The following ATP10B variants were observed in gnomAD, a reference collection of about 807,000 sequenced individuals.
ATP10B encodes the protein ATPase phospholipid transporting 10B (putative).
ATP10B carries 122 observed loss-of-function variants against 141.2 expected under a neutral mutation model. The observed-to-expected ratio is 0.86, with a 90% CI of 0.75 to 1.00. ATP10B has a LOEUF of 1.00. ATP10B is among the 50% of genes least tolerant of loss of function. The pLI is 0.00. For synonymous variants in ATP10B, 685 were observed against 692.0 expected (o/e 0.99, Z 0.16); for missense variants, 1,876 against 1,825.3 (o/e 1.03, Z -0.51).
chr5:160,570,057 C>A (rs538867356), intron 24 of ATP10B, among the ~76,000 whole-genome samples: 36 of 151,874 alleles, frequency 2.4e-4, no homozygotes, highest in Middle Eastern at 3.4e-3. Flanking sequence ...TGTGATGAGC[C>A]CATTTTTTCC....
intron 24 of ATP10B, among the ~76,000 whole-genome samples, chr5:160,574,130 T>G (rs1184949381): frequency 6.6e-6 from 1 of 152,198 alleles, no homozygotes; most frequent in African/African-American, 2.4e-5. Context: ...CCTATTTTAT[T>G]TAGAATTTTC....
At chr5:160,845,351 G>A (rs930887555) in intron 1 of ATP10B, among the ~76,000 whole-genome samples, 25 of 152,090 alleles carry the variant, frequency 1.6e-4, no homozygotes, top group Admixed American at 1.2e-3. Flanking sequence ...CCATTCACAG[G>A]TTTTAAGAAC....
chr5:160,595,278 C>G (rs539156884), intron 22 of ATP10B, among the ~76,000 whole-genome samples: 22 of 152,200 alleles, frequency 1.4e-4, no homozygotes, highest in African/African-American at 5.1e-4. Flanking sequence ...GAACAACCTG[C>G]TCCTGAATGA....
intron 25 of ATP10B, among the ~76,000 whole-genome samples, chr5:160,569,101 TTGC>T (rs1754721798): frequency 6.6e-6 from 1 of 152,218 alleles, no homozygotes; most frequent in Admixed American, 6.5e-5. Flanking sequence ...TCCATCTGGC[TTGC>T]TGAACTTGCT....
At chr5:160,665,555 G>A (rs1011472660) in intron 7 of ATP10B, among the ~76,000 whole-genome samples, 2 of 152,192 alleles carry the variant, frequency 1.3e-5, no homozygotes, top group African/African-American at 4.8e-5. Context: ...ATGAACATTG[G>A]AACCTGCAAG....
intron 9 of ATP10B, among the ~76,000 whole-genome samples, chr5:160,642,030 C>T (rs1759905115): frequency 6.6e-6 from 1 of 152,158 alleles, no homozygotes; most frequent in Non-Finnish European, 1.5e-5. Flanking sequence ...TGATCCTTGC[C>T]TTCTGAGACC....
chr5:160,618,235 G>T (rs1758137218), intron 15 of ATP10B, among the ~76,000 whole-genome samples: 1 of 152,226 alleles, frequency 6.6e-6, no homozygotes, highest in South Asian at 2.1e-4. Context: ...AAGGTAGGTG[G>T]TCTAAGGTAC....
chr5:160,814,870 A>G (rs896531550), intron 1 of ATP10B, among the ~76,000 whole-genome samples: 7 of 152,232 alleles, frequency 4.6e-5, no homozygotes, highest in African/African-American at 1.4e-4. Flanking sequence ...CCAGAATTTC[A>G]TATCCAGCCA....
intron 1 of ATP10B, among the ~76,000 whole-genome samples, chr5:160,814,328 C>A (rs1319088962): frequency 6.6e-6 from 1 of 152,070 alleles, no homozygotes; most frequent in African/African-American, 2.4e-5. Flanking sequence ...AAGAGAACTA[C>A]GTGATGAATG....
upstream of ATP10B, among the ~76,000 whole-genome samples, chr5:160,855,620 T>A (rs1753975296): frequency 6.6e-6 from 1 of 151,936 alleles, no homozygotes; most frequent in Non-Finnish European, 1.5e-5. Context: ...TTTATTTACA[T>A]CAATTTTTAA....
At chr5:160,574,585 A>G (rs751026883) in intron 24 of ATP10B, among the ~76,000 whole-genome samples, 4 of 152,104 alleles carry the variant, frequency 2.6e-5, no homozygotes, top group Non-Finnish European at 5.9e-5. Flanking sequence ...CCCCCTCTAA[A>G]CTCATATGTT....
the ATP10B span, among the ~76,000 whole-genome samples, chr5:160,924,451 G>A: frequency 2.0e-5 from 3 of 152,294 alleles, no homozygotes; most frequent in East Asian, 1.9e-4. Context: ...CTTACACATA[G>A]TAAATACTCA....
the ATP10B span, among the ~76,000 whole-genome samples, chr5:160,877,269 G>T: frequency 2.0e-5 from 3 of 148,628 alleles, no homozygotes; most frequent in African/African-American, 7.4e-5. Flanking sequence ...TATAAACAGA[G>T]CCAAAGACAA....
chr5:160,655,352 C>G (rs866426502), intron 7 of ATP10B, among the ~76,000 whole-genome samples: 3 of 152,000 alleles, frequency 2.0e-5, no homozygotes, highest in Non-Finnish European at 4.4e-5. Context: ...GTTCCACCCC[C>G]GCCAATCAGA....
chr5:160,872,013 C>G, the ATP10B span, among the ~76,000 whole-genome samples: 2 of 152,080 alleles, frequency 1.3e-5, no homozygotes, highest in African/African-American at 4.8e-5. Flanking sequence ...TTCCCACCAG[C>G]AGTGTAGAAG....
the ATP10B span, among the ~76,000 whole-genome samples, chr5:160,876,423 A>G: frequency 6.6e-6 from 1 of 150,804 alleles, no homozygotes. Flanking sequence ...AATGCCCACA[A>G]GAGAAAGCAG....
chr5:160,664,560 G>A (rs914362416), intron 7 of ATP10B, among the ~76,000 whole-genome samples: 3 of 152,212 alleles, frequency 2.0e-5, no homozygotes, highest in South Asian at 2.1e-4. Flanking sequence ...CTAGGCCAGT[G>A]TCTTTCAAAC....
the ATP10B span, among the ~76,000 whole-genome samples, chr5:160,858,864 A>C: frequency 1.3e-5 from 2 of 151,798 alleles, no homozygotes; most frequent in African/African-American, 4.8e-5. Context: ...CTCCTTCCTA[A>C]TTTATAATAT....
At chr5:160,697,395 G>A (rs945719857) in intron 3 of ATP10B, among the ~76,000 whole-genome samples, 2 of 152,154 alleles carry the variant, frequency 1.3e-5, no homozygotes, top group African/African-American at 4.8e-5. Flanking sequence ...CATTTGCACT[G>A]TACTCAGCTA....
Sources: allele counts gnomAD v4.1 joint callset (sites outside exome capture counted in the v4.1 genomes callset), GRCh38; gene constraint gnomAD v4.1.1; transcripts MANE v1.5; gene names NCBI Gene and HGNC (gene_info 2026-07-23, HGNC 2026-07-21).